ANK2: variants seen among roughly 807,000 people sequenced by gnomAD.
ANK2 encodes the protein ankyrin-2.
ANK2 carries 83 observed loss-of-function variants against 360.5 expected under a neutral mutation model. The observed-to-expected ratio is 0.23, with a 90% CI of 0.19 to 0.28. ANK2 has a LOEUF of 0.28. Ranked by LOEUF, ANK2 falls within the 10% of genes least tolerant of loss-of-function variation. The pLI is 1.00. For synonymous variants in ANK2, 1,740 were observed against 1,759.5 expected, an observed-to-expected ratio of 0.99 and a Z score of 0.28; for missense variants, 4,201 against 4,795.7, an observed-to-expected ratio of 0.88 and a Z score of 3.66.
chr4:113,330,163 C>A, intron 26 of ANK2, 83 bp from the exon 27 acceptor site: 1 of 1,298,464 alleles, frequency 7.7e-7, no homozygotes. Context: ...TGAGACAAAG[C>A]ATTACGAAAA....
At chr4:112,838,165 C>T (rs533293400) in intron 1 of ANK2, among the ~76,000 whole-genome samples, 14 of 152,242 alleles carry the variant, frequency 9.2e-5, no homozygotes, top group African/African-American at 3.4e-4. Flanking sequence ...AGTGAGTTCT[C>T]ATGAGAGCTG....
Position 113,043,524 on chromosome 4 carries a change from C to A in ANK2, c.22-130892C>A, listed in dbSNP as rs149556211. ...GGGCTTAAGTGGTCTTCCTGCTTTG[C>A]CCTCCCCAAAGCACTGGGATTACAG... On this transcript the variant is annotated intron_variant, in intron 2 of 30. Coordinates refer to the ANK2 transcript ENST00000503271. Among the ~76,000 whole-genome samples, 1,401 of 152,128 alleles carry A rather than the reference C, an allele frequency of 9.2e-3. 25 individuals carry two copies. Among genetic ancestry groups the A allele is most frequent in the African/African-American group, 0.031 (1,287 of 41,530 alleles).
chr4:112,741,742 T>C, the ANK2 span, among the ~76,000 whole-genome samples: 1 of 151,886 alleles, frequency 6.6e-6, no homozygotes, highest in Non-Finnish European at 1.5e-5. Flanking sequence ...GCTACTGGGG[T>C]GGCTGAAGTG....
intron 1 of ANK2, among the ~76,000 whole-genome samples, chr4:113,058,422 G>A (rs1458881470): frequency 6.6e-6 from 1 of 151,900 alleles, no homozygotes; most frequent in African/African-American, 2.4e-5. Context: ...TTAATAATAA[G>A]TATTTCTATG....
At chr4:113,364,028 A>G (rs1230906994) in intron 40 of ANK2, among the ~76,000 whole-genome samples, 1 of 152,196 alleles carries the variant, frequency 6.6e-6, no homozygotes, top group Non-Finnish European at 1.5e-5. Flanking sequence ...ATGCCTTAGG[A>G]AAGTACTCAG....
chr4:112,806,606 G>T, the ANK2 span, among the ~76,000 whole-genome samples: 2 of 152,120 alleles, frequency 1.3e-5, no homozygotes, highest in African/African-American at 4.8e-5. Flanking sequence ...GAGGCAGGAG[G>T]ATTGCTTGAT....
intron 1 of ANK2, among the ~76,000 whole-genome samples, chr4:112,845,214 A>T (rs961443822): frequency 3.9e-5 from 6 of 152,216 alleles, no homozygotes; most frequent in African/African-American, 1.4e-4. Context: ...AATGTGGAGT[A>T]ATGCAACATA....
rs530950974 is a variant in ANK2 at position 112,904,594 on chromosome 4, T to C, written c.21+80T>C. Reference sequence around the variant, plus strand: ...GGTTAGAATGTAATTAAGTACTATTTTGGTAAAAACAATTTTTATGAAAAC... The same window carrying C: ...GGTTAGAATGTAATTAAGTACTATTCTGGTAAAAACAATTTTTATGAAAAC... On this transcript the variant is annotated intron_variant, in intron 2 of 30. Transcript: ENST00000503271. 4 of 1,112,298 alleles carry C rather than the reference T, an allele frequency of 3.6e-6. No individual in the cohort carries two copies. In the East Asian group the frequency reaches 8.3e-5, roughly 23 times the overall value. The allele number at this position is 1,112,298 out of a possible 1,614,324, so 68.9% of individuals were successfully genotyped here. A position where few individuals can be genotyped will look rare whatever the true frequency, so the allele number is the denominator to read the frequency against.
chr4:113,279,644 A>G (rs1015964385), intron 17 of ANK2, among the ~76,000 whole-genome samples: 38 of 148,940 alleles, frequency 2.6e-4, no homozygotes, highest in Non-Finnish European at 4.7e-4. Context: ...TATTATAAAT[A>G]AAAAATAGGA....
At chr4:113,364,648 A>T (rs1010581784) in intron 40 of ANK2, among the ~76,000 whole-genome samples, 1 of 152,218 alleles carries the variant, frequency 6.6e-6, no homozygotes, top group Non-Finnish European at 1.5e-5. Flanking sequence ...TCTAAGTAGA[A>T]TTGTCAGATT....
the ANK2 span, among the ~76,000 whole-genome samples, chr4:112,757,112 CTTTTTT>C: frequency 1.5e-5 from 2 of 135,328 alleles, no homozygotes; most frequent in Non-Finnish European, 3.2e-5. Context: ...CTTTTCTTTT[CTTTTTT>C]TTTTTTTTTT....
the ANK2 span, among the ~76,000 whole-genome samples, chr4:112,749,020 CT>C: frequency 1.3e-5 from 2 of 152,206 alleles, no homozygotes; most frequent in Admixed American, 1.3e-4. Flanking sequence ...GGGCCTCGGC[CT>C]CCTGAGTAGC....
chr4:113,194,440 T>C (rs566500077), intron 2 of ANK2, among the ~76,000 whole-genome samples: 1 of 152,304 alleles, frequency 6.6e-6, no homozygotes, highest in South Asian at 2.1e-4. Context: ...GGGGAAAGTA[T>C]TTCATAAAAT....
the ANK2 span, among the ~76,000 whole-genome samples, chr4:112,730,137 C>T: frequency 6.6e-6 from 1 of 150,404 alleles, no homozygotes; most frequent in East Asian, 2.0e-4. Flanking sequence ...ACCTGTAATC[C>T]CAGCTACTTG....
intron 1 of ANK2, among the ~76,000 whole-genome samples, chr4:113,150,300 T>C (rs1314511405): frequency 6.6e-6 from 1 of 152,176 alleles, no homozygotes; most frequent in East Asian, 1.9e-4. Flanking sequence ...AACAAAAGAA[T>C]AATGCTTGGA....
chr4:113,146,065 C>T (rs988763956), intron 1 of ANK2: 2 of 1,280,984 alleles, frequency 1.6e-6, no homozygotes, highest in Admixed American at 4.7e-5. Flanking sequence ...CAACAGTAGA[C>T]CTCATTGGTC....
intron 1 of ANK2, among the ~76,000 whole-genome samples, chr4:113,123,406 G>T (rs910263564): frequency 3.9e-5 from 6 of 152,004 alleles, no homozygotes; most frequent in African/African-American, 1.4e-4. Flanking sequence ...CATATTTAAT[G>T]ATCTACTTGT....
intron 2 of ANK2, among the ~76,000 whole-genome samples, chr4:112,925,323 A>G (rs1561124314): frequency 6.6e-6 from 1 of 152,208 alleles, no homozygotes; most frequent in Non-Finnish European, 1.5e-5. Context: ...AACGGGTCAA[A>G]TGCTTCAGTT....
chr4:113,291,764 T>G (rs1413982718), intron 20 of ANK2, among the ~76,000 whole-genome samples: 1 of 152,224 alleles, frequency 6.6e-6, no homozygotes, highest in Non-Finnish European at 1.5e-5. Context: ...TGGTAGCCAT[T>G]GGCTGTCATA....
Sources: gnomAD v4.1 joint callset for allele counts (sites outside exome capture counted in the v4.1 genomes callset) on GRCh38, gnomAD v4.1.1 for gene constraint, MANE v1.5 for transcripts, NCBI Gene and HGNC (gene_info 2026-07-23, HGNC 2026-07-21) for gene names.